The following GRM3 variants were observed in gnomAD, a reference collection of about 807,000 sequenced individuals.
The protein encoded by GRM3 is glutamate metabotropic receptor 3.
A neutral mutation model predicts 70.5 loss-of-function variants in GRM3; 26 were observed. The observed-to-expected ratio is 0.37, with a 90% CI of 0.27 to 0.51. The LOEUF (loss-of-function observed/expected upper bound fraction) is 0.51, where lower values mean the gene tolerates loss of function less well. Among genes scored for constraint, GRM3 ranks in the 20% least tolerant of loss-of-function variants. The pLI, the probability that GRM3 is intolerant of heterozygous loss-of-function variation, is 0.93. For missense variants in GRM3, 859 were observed against 1,123.8 expected (o/e 0.76, Z 3.37); for synonymous variants, 443 against 434.9 (o/e 1.02, Z -0.23).
rs148911978 is a variant in GRM3, at chr7:86,724,610, T to G, written c.-140-40396T>G. On this transcript the variant is annotated intron_variant, in intron 1 of 5. Coordinates refer to ENST00000361669, the MANE Select transcript of GRM3 (RefSeq NM_000840.3). Reference sequence around the variant, plus strand: ...ATCAGCTGAATCAGTGTTCCTAACATTCTAATGAACATCTGAAACACCTGG... The same window carrying G: ...ATCAGCTGAATCAGTGTTCCTAACAGTCTAATGAACATCTGAAACACCTGG... Among the ~76,000 whole-genome samples the G allele has an allele frequency of 2.5e-3, 386 of 152,290 alleles. 3 individuals carry two copies. Among genetic ancestry groups the G allele is most frequent in the African/African-American group, 8.2e-3 (340 of 41,576 alleles).
chr7:86,704,018 T>C (rs192888142), intron 1 of GRM3, among the ~76,000 whole-genome samples: 2 of 151,990 alleles, frequency 1.3e-5, no homozygotes, highest in African/African-American at 4.8e-5. Context: ...TATCTCTTTC[T>C]GTTGGTCTTA....
chr7:86,792,988 T>C (rs1797457493), intron 3 of GRM3, among the ~76,000 whole-genome samples: 2 of 151,626 alleles, frequency 1.3e-5, no homozygotes, highest in Admixed American at 1.3e-4. Flanking sequence ...TTTGTTTGCT[T>C]GGTTGGCTTA....
chr7:86,839,050 C>G lies in GRM3; in HGVS notation c.1536C>G (p.Pro512=). 1.9e-6 allele frequency: 3 copies of G among 1,614,102 alleles called. No individual in the cohort carries two copies. The highest frequency in any genetic ancestry group is 2.5e-6 in the Non-Finnish European group (3 of 1,179,928). ...TCCCCACTTCCCAGTGCAGCGACCC[C>G]TGTGCCCCCAATGAAATGAAGAATA... The part of the protein sequence containing the change: ...NSVPTSQCSD[P]CAPNEMKNMQ... The change falls in exon 4 of 6, where the codon CCC becomes CCG. Residue 512 remains proline (P), a synonymous_variant. Transcript: ENST00000361669. The surrounding 1 kb of genome is among the most constrained non-coding windows in gnomAD (Gnocchi z 4.5).
In GRM3 at chr7:86,785,685, A is replaced by ATTTTTTTTT. The variant is rs749456155; in HGVS notation, c.469-551_469-543dup. 4.3e-4 allele frequency among the ~76,000 whole-genome samples: 28 copies of ATTTTTTTTT among 65,236 alleles called. 1 individual carries two copies. Among genetic ancestry groups the ATTTTTTTTT allele is most frequent in the Non-Finnish European group, 5.7e-4 (20 of 34,860 alleles). 42.8% of individuals were successfully genotyped at this position (65,236 alleles called of 152,430 possible). On this transcript the variant is annotated intron_variant, in intron 2 of 5. Transcript: ENST00000361669. ...TTGGGTGGTGGACTAAATAGAATTG[A>ATTTTTTTTT]TTTTTTTTTTTTTTTTTTTTTTTTT... is the stretch of plus-strand genomic sequence containing the variant.
intron 1 of GRM3, among the ~76,000 whole-genome samples, chr7:86,763,739 G>C (rs1283898786): frequency 6.6e-6 from 1 of 152,082 alleles, no homozygotes; most frequent in Non-Finnish European, 1.5e-5. Flanking sequence ...CTCTGGATAG[G>C]GGAGGCAGCC....
chr7:86,686,326 A>G (rs1235399198), intron 1 of GRM3, among the ~76,000 whole-genome samples: 1 of 152,184 alleles, frequency 6.6e-6, no homozygotes, highest in Non-Finnish European at 1.5e-5. Context: ...AGCTGCCAGA[A>G]AAGTGAGAAG....
At chr7:86,824,671 TACTA>T (rs1410150140) in intron 3 of GRM3, among the ~76,000 whole-genome samples, 1 of 152,226 alleles carries the variant, frequency 6.6e-6, no homozygotes, top group Admixed American at 6.5e-5. Flanking sequence ...TCACATGTAC[TACTA>T]ACTTTCTCCA....
chr7:86,664,720 C>T (rs559876279), intron 1 of GRM3, among the ~76,000 whole-genome samples: 16 of 151,906 alleles, frequency 1.1e-4, no homozygotes, highest in African/African-American at 3.4e-4. Flanking sequence ...ATGATGGTTA[C>T]GTTTGGCTGA....
rs569244886 is a variant in GRM3, at chr7:86,702,625, T to G, written c.-141+57753T>G. On this transcript the variant is annotated intron_variant, in intron 1 of 5. Coordinates refer to ENST00000361669, the MANE Select transcript of GRM3 (RefSeq NM_000840.3). ...TTCCATCATTCTCTTTTTGTCCTTATTCTTTACAAAATTTTACCTTCTTTA... is the reference window on the plus strand; with the variant it reads ...TTCCATCATTCTCTTTTTGTCCTTAGTCTTTACAAAATTTTACCTTCTTTA... 2.0e-4 allele frequency among the ~76,000 whole-genome samples: 30 copies of G among 152,166 alleles called. 1 individual carries two copies. The East Asian group carries it at 5.8e-3, about 29-fold the overall frequency.
intron 1 of GRM3, among the ~76,000 whole-genome samples, chr7:86,649,054 A>C (rs528082903): frequency 1.3e-5 from 2 of 152,258 alleles, no homozygotes; most frequent in East Asian, 3.9e-4. Flanking sequence ...ACATGGAAAC[A>C]CTCACGTGGA....
rs147049424 is a variant in GRM3 at position 86,832,228 on chromosome 7, A to G, written c.1325-6611A>G. Among the ~76,000 whole-genome samples the G allele has an allele frequency of 5.1e-3, 729 of 143,560 alleles. 12 individuals are homozygous for G. Among genetic ancestry groups the G allele is most frequent in the African/African-American group, 0.018 (697 of 38,490 alleles). The allele number at this position is 143,560 out of a possible 152,430, so 94.2% of individuals were successfully genotyped here. ...AGGCCCTGGTTGTAAAATTGGAGCC[A>G]TGTTCCTGCTTGTAGCCTTTTTTTT... On this transcript the variant is annotated intron_variant, in intron 3 of 5. Transcript: ENST00000361669.
chr7:86,748,556 G>A (rs1584212747), intron 1 of GRM3, among the ~76,000 whole-genome samples: 1 of 151,968 alleles, frequency 6.6e-6, no homozygotes, highest in Non-Finnish European at 1.5e-5. Context: ...CAGGGACTCC[G>A]ATATTTCGTA....
chr7:86,647,037 T>C (rs1245002749), intron 1 of GRM3, among the ~76,000 whole-genome samples: 7 of 152,222 alleles, frequency 4.6e-5, no homozygotes, highest in Admixed American at 3.9e-4. Context: ...ACGAAATTGA[T>C]TGAGCTTTAT....
chr7:86,763,943 A>G (rs979997152), intron 1 of GRM3, among the ~76,000 whole-genome samples: 1 of 152,232 alleles, frequency 6.6e-6, no homozygotes, highest in Middle Eastern at 3.4e-3. Context: ...AGTGGGGATA[A>G]GGAAGAAGTG....
At chr7:86,798,513 GGTGT>G (rs1236101155) in intron 3 of GRM3, among the ~76,000 whole-genome samples, 1 of 152,106 alleles carries the variant, frequency 6.6e-6, no homozygotes, top group East Asian at 1.9e-4. Flanking sequence ...ATTTGAAATG[GGTGT>G]GTATAACAAA....
intron 2 of GRM3, among the ~76,000 whole-genome samples, chr7:86,778,560 C>T (rs569669262): frequency 6.6e-6 from 1 of 152,112 alleles, no homozygotes; most frequent in Non-Finnish European, 1.5e-5. Context: ...GATGTGGGGG[C>T]TCACAAGTGA....
At chr7:86,809,443 A>G (rs1240585459) in intron 3 of GRM3, among the ~76,000 whole-genome samples, 1 of 152,032 alleles carries the variant, frequency 6.6e-6, no homozygotes, top group Non-Finnish European at 1.5e-5. Context: ...CTCTGTGTAA[A>G]TCTACCTTCC....
chr7:86,711,305 C>T (rs967802896), intron 1 of GRM3, among the ~76,000 whole-genome samples: 1 of 151,806 alleles, frequency 6.6e-6, no homozygotes. Context: ...AGAGCAAATC[C>T]TAATACGGAA....
Position 86,747,480 on chromosome 7 carries a change from T to G in GRM3, c.-140-17526T>G, listed in dbSNP as rs562673358. On this transcript the variant is annotated intron_variant, in intron 1 of 5. Transcript: ENST00000361669. Reference sequence around the variant, plus strand: ...TATTTAATATCTTTAATCTTATACATAAATCAAAGCCTTTGTTCTCTTTAT... The same window carrying G: ...TATTTAATATCTTTAATCTTATACAGAAATCAAAGCCTTTGTTCTCTTTAT... 4.3e-4 allele frequency among the ~76,000 whole-genome samples: 65 copies of G among 152,214 alleles called. No individual in the cohort carries two copies. In the South Asian group the frequency reaches 0.013, roughly 30 times the overall value.
Sources: gnomAD v4.1 joint callset for allele counts (sites outside exome capture counted in the v4.1 genomes callset) on GRCh38, gnomAD v4.1.1 for gene constraint, Gnocchi (gnomAD v3.1) non-coding constraint, MANE v1.5 for transcripts, NCBI Gene and HGNC (gene_info 2026-07-23, HGNC 2026-07-21) for gene names.